Variants in NAALADL2 observed in about 807,000 individuals in gnomAD.
NAALADL2 encodes the protein N-acetylated alpha-linked acidic dipeptidase like 2.
NAALADL2 carries 76 observed loss-of-function variants against 87.2 expected under a neutral mutation model. The observed-to-expected ratio is 0.87, with a 90% CI of 0.72 to 1.05. The LOEUF is 1.05. Ranked by LOEUF, NAALADL2 falls within the 50% of genes least tolerant of loss-of-function variation. NAALADL2 has a pLI of 0.00. For synonymous variants in NAALADL2, 354 were observed against 331.0 expected (o/e 1.07, Z -0.75); for missense variants, 1,089 against 945.8 (o/e 1.15, Z -1.99).
At chr3:175,135,266 G>A (rs1164360588) in intron 2 of NAALADL2, among the ~76,000 whole-genome samples, 1 of 151,888 alleles carries the variant, frequency 6.6e-6, no homozygotes, top group Non-Finnish European at 1.5e-5. Context: ...ACCTGTGAGG[G>A]GTTTATTTCA....
intron 2 of NAALADL2, among the ~76,000 whole-genome samples, chr3:174,575,597 T>G (rs948065691): frequency 6.6e-6 from 1 of 152,156 alleles, no homozygotes; most frequent in Non-Finnish European, 1.5e-5. Flanking sequence ...CCAGAAACTA[T>G]GAGGAAAAAC....
chr3:174,793,774 T>A (rs145955773), intron 3 of NAALADL2, among the ~76,000 whole-genome samples: 1 of 152,142 alleles, frequency 6.6e-6, no homozygotes, highest in East Asian at 1.9e-4. Context: ...TGTTTACAGG[T>A]TTTGAAAAAA....
At chr3:175,212,943 G>A (rs928584656) in intron 2 of NAALADL2, among the ~76,000 whole-genome samples, 1 of 152,134 alleles carries the variant, frequency 6.6e-6, no homozygotes, top group Non-Finnish European at 1.5e-5. Flanking sequence ...TCTCTGGAGT[G>A]GGTGAGTGGA....
At chr3:174,830,421 A>G (rs1457862332) in intron 3 of NAALADL2, among the ~76,000 whole-genome samples, 7 of 152,178 alleles carry the variant, frequency 4.6e-5, no homozygotes, top group Admixed American at 1.3e-4. Flanking sequence ...TCAGATAGTT[A>G]TAGATATGCG....
chr3:174,873,309 C>A (rs1477024550), intron 1 of NAALADL2, among the ~76,000 whole-genome samples: 2 of 151,782 alleles, frequency 1.3e-5, no homozygotes, highest in Non-Finnish European at 2.9e-5. Flanking sequence ...GGCTGGAATG[C>A]AGTGGCACAA....
At chr3:175,074,257 G>A (rs1716186718) in intron 1 of NAALADL2, among the ~76,000 whole-genome samples, 1 of 152,042 alleles carries the variant, frequency 6.6e-6, no homozygotes, top group Non-Finnish European at 1.5e-5. Flanking sequence ...TGACTCACAT[G>A]TCTCAGGTAT....
rs565488483 is a variant in NAALADL2, at chr3:175,804,865, C to A, written c.*1662C>A. 1.3e-5 allele frequency: 2 copies of A among 151,940 alleles called. No homozygotes were observed. The highest frequency in any genetic ancestry group is 4.8e-5 in the African/African-American group (2 of 41,514). 9.4% of individuals were successfully genotyped at this position (151,940 alleles called of 1,614,324 possible). On this transcript the variant is annotated 3_prime_UTR_variant, in exon 14 of 14. Transcript: ENST00000454872. The stretch of plus-strand genomic sequence containing the variant: ...TAGCTAGATAATTCAAGCAGAAATC[C>A]ATTTTCATCGAAATTGCCTGTGTGC...
At chr3:175,349,767 C>A (rs1002894059) in intron 5 of NAALADL2, among the ~76,000 whole-genome samples, 1 of 152,062 alleles carries the variant, frequency 6.6e-6, no homozygotes, top group East Asian at 1.9e-4. Flanking sequence ...TAGCCATATA[C>A]CCCCGTTTTT....
intron 1 of NAALADL2, among the ~76,000 whole-genome samples, chr3:174,974,886 A>G (rs531575941): frequency 1.3e-5 from 2 of 152,216 alleles, no homozygotes; most frequent in East Asian, 3.9e-4. Flanking sequence ...TATATGTCTA[A>G]TCAGGTTTCA....
At chr3:174,503,644 C>G (rs962374971) in intron 1 of NAALADL2, among the ~76,000 whole-genome samples, 80 of 152,146 alleles carry the variant, frequency 5.3e-4, no homozygotes, top group African/African-American at 1.9e-3. Context: ...TCACTTAATA[C>G]TAGAAATGCT....
At chr3:175,592,099 C>G (rs1721569781) in intron 10 of NAALADL2, among the ~76,000 whole-genome samples, 1 of 151,934 alleles carries the variant, frequency 6.6e-6, no homozygotes, top group Non-Finnish European at 1.5e-5. Flanking sequence ...GGGTCAGTTT[C>G]TAAAATCATC....
At chr3:175,736,557 T>G (rs1744529199) in intron 11 of NAALADL2, among the ~76,000 whole-genome samples, 2 of 152,236 alleles carry the variant, frequency 1.3e-5, no homozygotes, top group Non-Finnish European at 2.9e-5. Context: ...ATCAGAGTTG[T>G]TCTTTTTACT....
At chr3:174,696,593 TAAAAAAAAAAAAAA>T (rs62946360) in intron 2 of NAALADL2, among the ~76,000 whole-genome samples, 1 of 110,524 alleles carries the variant, frequency 9.0e-6, no homozygotes, top group Non-Finnish European at 1.8e-5. Context: ...TGTAGTTATC[TAAAAAAAAAAAAAA>T]AAAAAAAAAA....
At chr3:174,704,852 AAAG>A (rs2108893581) in intron 2 of NAALADL2, among the ~76,000 whole-genome samples, 1 of 152,318 alleles carries the variant, frequency 6.6e-6, no homozygotes, top group African/African-American at 2.4e-5. Flanking sequence ...AATGATGTAT[AAAG>A]AAGTCAATTT....
At chr3:174,570,984 C>T (rs891548539) in intron 2 of NAALADL2, among the ~76,000 whole-genome samples, 3 of 152,074 alleles carry the variant, frequency 2.0e-5, no homozygotes, top group African/African-American at 7.2e-5. Flanking sequence ...CTGCGATTCT[C>T]CAAATTTAAT....
intron 5 of NAALADL2, among the ~76,000 whole-genome samples, chr3:175,355,022 ATGTGTGTGTGTGTG>A (rs3067322): frequency 3.6e-5 from 5 of 139,434 alleles, no homozygotes; most frequent in East Asian, 2.1e-4. Context: ...CTATATATAT[ATGTGTGTGTGTGTG>A]TGTGTGTGTG....
chr3:174,842,909 G>A (rs1418247595), intron 3 of NAALADL2, among the ~76,000 whole-genome samples: 1 of 151,842 alleles, frequency 6.6e-6, no homozygotes, highest in Non-Finnish European at 1.5e-5. Flanking sequence ...CGTCAATTAT[G>A]GCTTATCTTG....
At chr3:174,693,205 A>G (rs897704591) in intron 2 of NAALADL2, among the ~76,000 whole-genome samples, 3 of 152,110 alleles carry the variant, frequency 2.0e-5, no homozygotes, top group Admixed American at 6.5e-5. Context: ...TGGTTCATTT[A>G]GAACTGAATG....
intron 5 of NAALADL2, among the ~76,000 whole-genome samples, chr3:175,348,761 C>T (rs75245138): frequency 0.025 from 3,843 of 152,272 alleles, 169 homozygotes; most frequent in African/African-American, 0.088. Flanking sequence ...TTAATTACAT[C>T]TGCAAAGACT....
Sources: gnomAD v4.1 joint callset for allele counts (sites outside exome capture counted in the v4.1 genomes callset) on GRCh38, gnomAD v4.1.1 for gene constraint, MANE v1.5 for transcripts, NCBI Gene and HGNC (gene_info 2026-07-23, HGNC 2026-07-21) for gene names.